Variants in ALK observed in about 807,000 individuals in gnomAD.
ALK encodes the protein ALK tyrosine kinase receptor.
A neutral mutation model predicts 163.1 loss-of-function variants in ALK; 74 were observed. The observed-to-expected ratio is 0.45, with a 90% CI of 0.38 to 0.55. The LOEUF (loss-of-function observed/expected upper bound fraction) is 0.55, where lower values mean the gene tolerates loss of function less well. Among genes scored for constraint, ALK ranks in the 20% least tolerant of loss-of-function variants. The pLI is 0.00. For synonymous variants in ALK, 960 were observed against 843.2 expected, an observed-to-expected ratio of 1.14 and a Z score of -2.40; for missense variants, 2,063 against 2,105.3, an observed-to-expected ratio of 0.98 and a Z score of 0.39.
chr2:29,782,734 G>A (rs1020840277), intron 1 of ALK, among the ~76,000 whole-genome samples: 36 of 152,166 alleles, frequency 2.4e-4, no homozygotes, highest in Non-Finnish European at 5.9e-5. Context: ...GTGAGCCAGT[G>A]ACCTACACAG....
At chr2:29,531,418 TC>T (rs1673114140) in intron 4 of ALK, among the ~76,000 whole-genome samples, 1 of 152,144 alleles carries the variant, frequency 6.6e-6, no homozygotes, top group Non-Finnish European at 1.5e-5. Flanking sequence ...AAAGCTCTGT[TC>T]CAATCTCTAC....
chr2:29,902,993 T>G (rs561527260), intron 1 of ALK, among the ~76,000 whole-genome samples: 2 of 152,328 alleles, frequency 1.3e-5, no homozygotes, highest in African/African-American at 4.8e-5. Context: ...TCCCTGCACT[T>G]AACTAGGACC....
chr2:29,269,101 A>G (rs1026808486), intron 11 of ALK, among the ~76,000 whole-genome samples: 5 of 152,204 alleles, frequency 3.3e-5, no homozygotes, highest in Admixed American at 6.5e-5. Context: ...CTTAAAAAAG[A>G]TGCTATATTG....
chr2:29,510,099 T>C (rs1672468535), intron 4 of ALK, among the ~76,000 whole-genome samples: 1 of 152,154 alleles, frequency 6.6e-6, no homozygotes, highest in African/African-American at 2.4e-5. Context: ...GTGGCTTCTC[T>C]CACAGGGAAG....
intron 8 of ALK, among the ~76,000 whole-genome samples, chr2:29,309,999 A>G (rs577657098): frequency 6.6e-4 from 101 of 152,322 alleles, no homozygotes; most frequent in Middle Eastern, 3.4e-3. Context: ...CAGAGAAGAC[A>G]AAGGCTTTTC....
At chr2:29,417,401 C>T (rs1021931756) in intron 4 of ALK, among the ~76,000 whole-genome samples, 2 of 152,142 alleles carry the variant, frequency 1.3e-5, no homozygotes, top group African/African-American at 4.8e-5. Flanking sequence ...CTTGAGCTAT[C>T]CTGAGAGCCA....
intron 6 of ALK, among the ~76,000 whole-genome samples, chr2:29,323,165 G>C (rs1050151979): frequency 3.9e-5 from 6 of 152,196 alleles, no homozygotes; most frequent in African/African-American, 1.4e-4. Flanking sequence ...CTATTTTACT[G>C]AGCTGGTTTG....
At chr2:29,779,085 G>T (rs1327127520) in intron 1 of ALK, among the ~76,000 whole-genome samples, 1 of 152,118 alleles carries the variant, frequency 6.6e-6, no homozygotes, top group Admixed American at 6.5e-5. Context: ...GAACCTGGGA[G>T]GCGGAGCTTG....
chr2:29,779,274 A>T (rs1681267895), intron 1 of ALK, among the ~76,000 whole-genome samples: 3 of 152,172 alleles, frequency 2.0e-5, no homozygotes, highest in Admixed American at 2.0e-4. Context: ...CCCTATTTGG[A>T]AGCGCTCTGT....
At chr2:29,361,823 T>C (rs1038644986) in intron 5 of ALK, among the ~76,000 whole-genome samples, 24 of 152,338 alleles carry the variant, frequency 1.6e-4, no homozygotes, top group Admixed American at 3.9e-4. Flanking sequence ...AGGTCCTGGT[T>C]CTTTGTTTAT....
At chr2:29,696,197 T>C (rs768377662) in intron 2 of ALK, among the ~76,000 whole-genome samples, 1 of 152,218 alleles carries the variant, frequency 6.6e-6, no homozygotes, top group Non-Finnish European at 1.5e-5. Context: ...TGGAATATTA[T>C]GCAGCCTTAA....
At chr2:29,378,681 T>C (rs980623027) in intron 5 of ALK, among the ~76,000 whole-genome samples, 4 of 152,034 alleles carry the variant, frequency 2.6e-5, no homozygotes, top group African/African-American at 9.7e-5. Flanking sequence ...TTAGGAGCTG[T>C]TCAGGGCCAT....
At chr2:29,762,815 G>A (rs185936221) in intron 1 of ALK, among the ~76,000 whole-genome samples, 148 of 152,272 alleles carry the variant, frequency 9.7e-4, no homozygotes, top group Non-Finnish European at 1.9e-3. Context: ...TTGGCTGGGC[G>A]CAGTGGCTCA....
At chr2:29,288,976 AAAT>A (rs1665943369) in intron 9 of ALK, among the ~76,000 whole-genome samples, 3 of 145,166 alleles carry the variant, frequency 2.1e-5, no homozygotes, top group African/African-American at 5.0e-5. Flanking sequence ...ATAAATAAAT[AAAT>A]AAATAAATAA....
chr2:29,738,894 A>C (rs1679969133), intron 1 of ALK, among the ~76,000 whole-genome samples: 1 of 152,024 alleles, frequency 6.6e-6, no homozygotes, highest in South Asian at 2.1e-4. Context: ...CAAAACAATA[A>C]TTTCTAGGAT....
At chr2:29,269,804 C>A (rs562247722) in intron 11 of ALK, among the ~76,000 whole-genome samples, 6 of 152,314 alleles carry the variant, frequency 3.9e-5, no homozygotes, top group African/African-American at 7.2e-5. Flanking sequence ...TGAACAGTCC[C>A]CCCCCAGCTG....
At chr2:29,327,654 C>T (rs1292509723) in intron 6 of ALK, among the ~76,000 whole-genome samples, 1 of 152,134 alleles carries the variant, frequency 6.6e-6, no homozygotes, top group Non-Finnish European at 1.5e-5. Context: ...TTGAACAACC[C>T]TGTGACTATA....
At chr2:29,450,178 A>T (rs1392660514) in intron 4 of ALK, among the ~76,000 whole-genome samples, 1 of 152,164 alleles carries the variant, frequency 6.6e-6, no homozygotes, top group Non-Finnish European at 1.5e-5. Context: ...CTCTGAGCCC[A>T]TGCAGCGAAC....
chr2:29,393,050 C>T (rs113391142), intron 4 of ALK, among the ~76,000 whole-genome samples: 12 of 80,194 alleles, frequency 1.5e-4, no homozygotes, highest in Admixed American at 1.1e-3. Context: ...CACTGAATGC[C>T]CAAGGTTACT....
Sources: allele counts gnomAD v4.1 joint callset (sites outside exome capture counted in the v4.1 genomes callset), GRCh38; gene constraint gnomAD v4.1.1; transcripts MANE v1.5; gene names NCBI Gene and HGNC (gene_info 2026-07-23, HGNC 2026-07-21).